PRORP: variants seen among roughly 807,000 people sequenced by gnomAD.
The protein encoded by PRORP is mitochondrial ribonuclease P catalytic subunit.
A neutral mutation model predicts 59.4 loss-of-function variants in PRORP; 51 were observed. The ratio of observed to expected loss-of-function variants is 0.86; its 90% CI spans 0.69 to 1.08. The LOEUF (loss-of-function observed/expected upper bound fraction) is 1.08. PRORP is among the 50% of genes least tolerant of loss of function. The pLI is 0.00. For synonymous variants in PRORP, 231 were observed against 245.6 expected (o/e 0.94, Z 0.55); for missense variants, 646 against 690.3 (o/e 0.94, Z 0.72).
chr14:35,234,690 T>A lies in PRORP; in HGVS notation c.1276-32037T>A, dbSNP rs561893479. 2.7e-4 allele frequency among the ~76,000 whole-genome samples: 41 copies of A among 151,306 alleles called. 1 individual carries two copies. In the South Asian group the frequency reaches 8.2e-3, roughly 30 times the overall value. ...AACTGTTGTTCCTTTTTTTTTTTTT[T>A]TTTTAAGAGTAAGGGTCTCACTGTG... On this transcript the variant is annotated intron_variant, in intron 5 of 7. Coordinates refer to ENST00000534898, the MANE Select transcript of PRORP (RefSeq NM_014672.4).
intron 5 of PRORP, chr14:35,235,710 A>T (rs2050193439): frequency 6.0e-6 from 2 of 330,858 alleles, no homozygotes. Context: ...CCAATGCTAG[A>T]CACTTGTATA....
chr14:35,122,127 C>T (rs2046926760), upstream of PRORP: 1 of 624,584 alleles, frequency 1.6e-6, no homozygotes, highest in African/African-American at 1.8e-5. Flanking sequence ...CAATTACTGT[C>T]ACTGCCGCGG....
In PRORP at chr14:35,127,717, C is replaced by T. The variant is rs187988315; in HGVS notation, c.1167+106C>T. The T allele has an allele frequency of 2.9e-5, 35 of 1,192,598 alleles. No homozygotes were observed. In the African/African-American group the frequency reaches 3.3e-4, roughly 11 times the overall value. The allele number at this position is 1,192,598 out of a possible 1,614,324, so 73.9% of individuals were successfully genotyped here. A position where few individuals can be genotyped will look rare whatever the true frequency, so the allele number is the denominator to read the frequency against. ...AAATATTTTAGGCTTTGTAGGTCATCGGTCCCTGTTGCAACTTTTCAACTC... is the reference window on the plus strand; with the variant it reads ...AAATATTTTAGGCTTTGTAGGTCATTGGTCCCTGTTGCAACTTTTCAACTC... On this transcript the variant is annotated intron_variant, in intron 4 of 7. Transcript: ENST00000534898.
chr14:35,197,342 A>C (rs944781605), intron 5 of PRORP, among the ~76,000 whole-genome samples: 2 of 152,184 alleles, frequency 1.3e-5, no homozygotes, highest in Non-Finnish European at 2.9e-5. Flanking sequence ...AGAAAAGTTT[A>C]AATATTTGTT....
intron 4 of PRORP, among the ~76,000 whole-genome samples, chr14:35,131,717 C>G (rs2047244413): frequency 6.6e-6 from 1 of 151,650 alleles, no homozygotes; most frequent in Non-Finnish European, 1.5e-5. Flanking sequence ...TTAGTAGAGA[C>G]AGGGTTTCAC....
chr14:35,268,788 G>A (rs1394519867), intron 6 of PRORP, among the ~76,000 whole-genome samples: 1 of 152,140 alleles, frequency 6.6e-6, no homozygotes, highest in East Asian at 1.9e-4. Flanking sequence ...TGGAGATGGG[G>A]TTTCACCATG....
chr14:35,273,714 ATG>A lies in PRORP; in HGVS notation c.*149_*150del. The A allele has an allele frequency of 7.6e-6, 5 of 659,056 alleles. No homozygotes were observed. Among genetic ancestry groups the A allele is most frequent in the Non-Finnish European group, 1.2e-5 (5 of 434,466 alleles). 40.8% of individuals were successfully genotyped at this position (659,056 alleles called of 1,614,324 possible). A position where few individuals can be genotyped will look rare whatever the true frequency, so the allele number is the denominator to read the frequency against. Reference sequence around the variant, plus strand: ...GCATTGACATTGATTTTTTAATGAAATGAGATATATCTTTTCATAACCAGCTG... The same window carrying A: ...GCATTGACATTGATTTTTTAATGAAAAGATATATCTTTTCATAACCAGCTG... On this transcript the variant is annotated 3_prime_UTR_variant, in exon 8 of 8. Transcript: ENST00000534898.
intron 5 of PRORP, chr14:35,235,306 C>A: frequency 1.4e-6 from 1 of 691,038 alleles, no homozygotes; most frequent in South Asian, 1.4e-5. Context: ...TGTAATTGGT[C>A]CTGATAGCTT....
intron 2 of PRORP, 128 bp downstream of exon 2, chr14:35,124,359 C>G: frequency 1.8e-6 from 1 of 542,638 alleles, no homozygotes; most frequent in Non-Finnish European, 3.0e-6. Flanking sequence ...CCTCAAACTC[C>G]TGGCCTCAAG....
intron 5 of PRORP, among the ~76,000 whole-genome samples, chr14:35,232,925 A>G (rs1438464718): frequency 6.6e-6 from 1 of 152,110 alleles, no homozygotes; most frequent in Non-Finnish European, 1.5e-5. Flanking sequence ...TGCCCGCCTC[A>G]GCCTACCAAA....
chr14:35,195,761 T>A (rs1036214862), intron 5 of PRORP, among the ~76,000 whole-genome samples: 5 of 152,114 alleles, frequency 3.3e-5, no homozygotes, highest in Non-Finnish European at 5.9e-5. Context: ...TCTATTTTTT[T>A]AACTATATAT....
chr14:35,223,535 C>G (rs2049851571), intron 5 of PRORP, among the ~76,000 whole-genome samples: 1 of 146,084 alleles, frequency 6.8e-6, no homozygotes, highest in Non-Finnish European at 1.5e-5. Context: ...TCTCGGCTCA[C>G]TGCAACCTCT....
intron 3 of PRORP, 57 bp from the exon 4 acceptor site, chr14:35,127,422 T>TC: frequency 7.7e-7 from 1 of 1,300,134 alleles, no homozygotes; most frequent in Non-Finnish European, 1.0e-6. Context: ...CAAATTTTTT[T>TC]CCCCAGAACA....
intron 5 of PRORP, among the ~76,000 whole-genome samples, chr14:35,189,761 G>C (rs899792728): frequency 5.9e-5 from 9 of 152,230 alleles, no homozygotes; most frequent in Middle Eastern, 3.4e-3. Context: ...TACTTGAATT[G>C]TCAGAATAGA....
chr14:35,177,421 T>C (rs929768968), intron 4 of PRORP, among the ~76,000 whole-genome samples: 1 of 151,972 alleles, frequency 6.6e-6, no homozygotes, highest in African/African-American at 2.4e-5. Flanking sequence ...CAATTTCAGA[T>C]CCTGTTATTG....
intron 5 of PRORP, among the ~76,000 whole-genome samples, chr14:35,212,564 A>G (rs997848935): frequency 2.0e-5 from 3 of 152,164 alleles, no homozygotes; most frequent in Non-Finnish European, 4.4e-5. Context: ...GTGCATTGTC[A>G]ATGAACAGTA....
intron 3 of PRORP, 37 bp from the exon 4 acceptor site, chr14:35,127,442 A>G: frequency 2.1e-6 from 3 of 1,426,722 alleles, no homozygotes; most frequent in African/African-American, 1.5e-5. Context: ...ATTATTCGAC[A>G]TATTTAAATA....
At chr14:35,259,973 G>A (rs1423596614) in intron 5 of PRORP, among the ~76,000 whole-genome samples, 1 of 147,158 alleles carries the variant, frequency 6.8e-6, no homozygotes, top group Non-Finnish European at 1.5e-5. Flanking sequence ...ATCACTGCAG[G>A]TGTTTTGGAG....
chr14:35,221,885 G>C (rs2049795607), intron 5 of PRORP, among the ~76,000 whole-genome samples: 2 of 152,186 alleles, frequency 1.3e-5, no homozygotes, highest in South Asian at 4.2e-4. Context: ...ATTAATATAT[G>C]CAAGCTTTCT....
Sources: allele counts gnomAD v4.1 joint callset (sites outside exome capture counted in the v4.1 genomes callset), GRCh38; gene constraint gnomAD v4.1.1; transcripts MANE v1.5; gene names NCBI Gene and HGNC (gene_info 2026-07-23, HGNC 2026-07-21).